Variants in PPP1R9A observed in about 807,000 individuals in gnomAD.
PPP1R9A encodes neurabin-1.
A neutral mutation model predicts 141.9 loss-of-function variants in PPP1R9A; 59 were observed. The observed-to-expected ratio is 0.42, with a 90% CI of 0.34 to 0.52. The LOEUF is 0.52. Ranked by LOEUF, PPP1R9A falls within the 20% of genes least tolerant of loss-of-function variation. PPP1R9A has a pLI of 0.10. For missense variants in PPP1R9A, 1,444 were observed against 1,611.9 expected (o/e 0.90, Z 1.78); for synonymous variants, 500 against 569.7 (o/e 0.88, Z 1.74).
At chr7:95,107,214 T>G (rs1488743257) in intron 2 of PPP1R9A, among the ~76,000 whole-genome samples, 1 of 152,198 alleles carries the variant, frequency 6.6e-6, no homozygotes, top group Non-Finnish European at 1.5e-5. Context: ...TTAGTATTTC[T>G]TCTTTGTTCA....
At chr7:95,122,558 A>G (rs1822834871) in intron 4 of PPP1R9A, among the ~76,000 whole-genome samples, 1 of 152,202 alleles carries the variant, frequency 6.6e-6, no homozygotes, top group African/African-American at 2.4e-5. Context: ...CTTCTTTTCC[A>G]TGAGGTTAGG....
At chr7:94,992,379 G>A (rs551766418) in intron 2 of PPP1R9A, among the ~76,000 whole-genome samples, 1 of 152,104 alleles carries the variant, frequency 6.6e-6, no homozygotes, top group Admixed American at 6.5e-5. Flanking sequence ...TTGTTTGTTC[G>A]CCTGATGACA....
intron 4 of PPP1R9A, among the ~76,000 whole-genome samples, chr7:95,148,499 C>T (rs868443648): frequency 6.6e-6 from 1 of 151,806 alleles, no homozygotes; most frequent in Non-Finnish European, 1.5e-5. Flanking sequence ...CAAAACTTTA[C>T]AAGAATCGGC....
At position 95,065,461 on chromosome 7, in the gene PPP1R9A, G is replaced by A. The variant is rs1347862571; in HGVS notation, c.1396-45798G>A. ...TAGATATATACATCTTAGTAAGTAT[G>A]GTGATTTAAAATTACTTTGGACAAC... On this transcript the variant is annotated intron_variant, in intron 2 of 19. Transcript: ENST00000433360. 2.6e-5 allele frequency among the ~76,000 whole-genome samples: 4 copies of A among 152,110 alleles called. No homozygotes were observed. In the East Asian group the frequency reaches 7.7e-4, roughly 29 times the overall value.
At chr7:95,087,673 G>A (rs567342830) in intron 2 of PPP1R9A, among the ~76,000 whole-genome samples, 4 of 152,152 alleles carry the variant, frequency 2.6e-5, no homozygotes, top group Non-Finnish European at 4.4e-5. Context: ...GAGGCGAGTA[G>A]ATCACGAGGT....
intron 16 of PPP1R9A, among the ~76,000 whole-genome samples, chr7:95,274,919 G>A (rs985211235): frequency 2.0e-5 from 3 of 152,110 alleles, no homozygotes; most frequent in African/African-American, 7.2e-5. Flanking sequence ...AGTAATAACA[G>A]TACCTTTTAC....
rs866658006 is a variant in PPP1R9A at position 94,926,237 on chromosome 7, C to T, written c.1395+14729C>T. 4.6e-5 allele frequency among the ~76,000 whole-genome samples: 7 copies of T among 152,292 alleles called. No homozygotes were observed. The South Asian group carries it at 6.2e-4, about 14-fold the overall frequency. ...CATTACAGATTAAAATCTTTCCTGG[C>T]CACTGCTCTGGCTTGCTGAAGCTGT... On this transcript the variant is annotated intron_variant, in intron 2 of 19. Coordinates refer to ENST00000433360, the MANE Select transcript of PPP1R9A (RefSeq NM_001166160.2).
intron 16 of PPP1R9A, among the ~76,000 whole-genome samples, chr7:95,283,779 A>G (rs1304144774): frequency 6.6e-6 from 1 of 152,216 alleles, no homozygotes; most frequent in African/African-American, 2.4e-5. Context: ...GGCACATTTT[A>G]TAAAAATTCA....
At chr7:95,054,282 A>ATTT (rs201366654) in intron 2 of PPP1R9A, among the ~76,000 whole-genome samples, 1 of 143,294 alleles carries the variant, frequency 7.0e-6, no homozygotes, top group Non-Finnish European at 1.5e-5. Flanking sequence ...CGCCCAGCTA[A>ATTT]TTTTTTTTTT....
At chr7:95,222,464 A>G (rs547646050) in intron 7 of PPP1R9A, among the ~76,000 whole-genome samples, 1 of 152,162 alleles carries the variant, frequency 6.6e-6, no homozygotes, top group South Asian at 2.1e-4. Flanking sequence ...CTGGGCACAC[A>G]GTAAGTTGCA....
chr7:94,943,642 A>G (rs894464280), intron 2 of PPP1R9A, among the ~76,000 whole-genome samples: 1 of 152,150 alleles, frequency 6.6e-6, no homozygotes, highest in Admixed American at 6.6e-5. Context: ...ATCTACTGAC[A>G]TGCTTTGAAC....
intron 2 of PPP1R9A, chr7:95,036,181 T>G (rs930142396): frequency 2.6e-4 from 39 of 152,040 alleles, no homozygotes; most frequent in Non-Finnish European, 5.6e-4. Flanking sequence ...AATTTAAGAG[T>G]GACTATAGAC....
intron 2 of PPP1R9A, among the ~76,000 whole-genome samples, chr7:94,977,643 A>G (rs763162710): frequency 5.9e-5 from 9 of 152,120 alleles, no homozygotes; most frequent in East Asian, 1.9e-4. Flanking sequence ...ACAATTGACA[A>G]TGAGTTCCTG....
At chr7:95,081,647 A>G (rs906125208) in intron 2 of PPP1R9A, among the ~76,000 whole-genome samples, 1 of 152,206 alleles carries the variant, frequency 6.6e-6, no homozygotes, top group African/African-American at 2.4e-5. Flanking sequence ...ACCATGAGGT[A>G]ACTTAAGTGG....
At chr7:95,007,975 G>C (rs1037442496) in intron 2 of PPP1R9A, among the ~76,000 whole-genome samples, 3 of 152,156 alleles carry the variant, frequency 2.0e-5, no homozygotes, top group African/African-American at 7.2e-5. Context: ...AGAAGGCTGA[G>C]GCATGAGAAT....
intron 8 of PPP1R9A, among the ~76,000 whole-genome samples, chr7:95,228,848 G>A (rs538553751): frequency 1.1e-4 from 17 of 151,932 alleles, no homozygotes; most frequent in South Asian, 6.2e-4. Flanking sequence ...AAATTTTATC[G>A]TGCCCTTTAT....
chr7:95,215,174 A>G (rs889625817), intron 7 of PPP1R9A, among the ~76,000 whole-genome samples: 11 of 127,692 alleles, frequency 8.6e-5, no homozygotes, highest in African/African-American at 2.1e-4. Context: ...CCTGTGTCCA[A>G]GTGTTCTCAT....
intron 3 of PPP1R9A, among the ~76,000 whole-genome samples, chr7:95,115,677 G>C (rs935972249): frequency 2.6e-5 from 4 of 152,020 alleles, no homozygotes; most frequent in African/African-American, 9.7e-5. Context: ...CCAGCACTTT[G>C]GGAGGCTGAG....
At chr7:95,248,092 T>G (rs1798366408) in intron 9 of PPP1R9A, among the ~76,000 whole-genome samples, 1 of 151,074 alleles carries the variant, frequency 6.6e-6, no homozygotes, top group African/African-American at 2.4e-5. Flanking sequence ...GTATTATTAG[T>G]CTATATATTT....
Sources: gnomAD v4.1 joint callset for allele counts (sites outside exome capture counted in the v4.1 genomes callset) on GRCh38, gnomAD v4.1.1 for gene constraint, MANE v1.5 for transcripts, NCBI Gene and HGNC (gene_info 2026-07-23, HGNC 2026-07-21) for gene names.